MDGA2: variants seen among roughly 807,000 people sequenced by gnomAD.
MDGA2 encodes MAM domain containing glycosylphosphatidylinositol anchor 2, also known as MAM domain-containing glycosylphosphatidylinositol anchor protein 2.
In MDGA2, 40 loss-of-function variants were observed where a neutral mutation model predicts 117.8. That is an observed-to-expected ratio of 0.34 (90% CI 0.26 to 0.44). The LOEUF is 0.44. Ranked by LOEUF, MDGA2 falls within the 20% of genes least tolerant of loss-of-function variation. The pLI is 1.00. For missense variants in MDGA2, 1,123 were observed against 1,250.6 expected, an observed-to-expected ratio of 0.90 and a Z score of 1.54; for synonymous variants, 452 against 439.0, an observed-to-expected ratio of 1.03 and a Z score of -0.37.
intron 8 of MDGA2, among the ~76,000 whole-genome samples, chr14:46,963,789 C>A (rs139465302): frequency 6.6e-6 from 1 of 152,120 alleles, no homozygotes; most frequent in Non-Finnish European, 1.5e-5. Context: ...TACAAAGGGA[C>A]CTAAAATTCT....
intron 3 of MDGA2, among the ~76,000 whole-genome samples, chr14:47,194,093 C>G (rs1458549373): frequency 6.6e-6 from 1 of 152,112 alleles, no homozygotes; most frequent in Non-Finnish European, 1.5e-5. Flanking sequence ...TTCTATTTTA[C>G]TATACTGTAT....
intron 8 of MDGA2, among the ~76,000 whole-genome samples, chr14:47,020,462 T>A (rs1888247721): frequency 6.6e-6 from 1 of 152,148 alleles, no homozygotes; most frequent in Admixed American, 6.5e-5. Flanking sequence ...AGAAAACCAA[T>A]CTGATTGTTT....
chr14:47,053,642 T>TACAC (rs1889547940), intron 7 of MDGA2, among the ~76,000 whole-genome samples: 3 of 42,370 alleles, frequency 7.1e-5, no homozygotes, highest in African/African-American at 2.4e-4. Flanking sequence ...TATATATATA[T>TACAC]ATATATATAT....
At position 47,461,986 on chromosome 14, in the gene MDGA2, A is replaced by C. The variant is rs538180160; in HGVS notation, c.281-160436T>G. Among the ~76,000 whole-genome samples, 16 of 152,318 alleles carry C rather than the reference A, an allele frequency of 1.1e-4. No individual in the cohort carries two copies. The East Asian group carries it at 3.1e-3, about 29-fold the overall frequency. Reference sequence around the variant, plus strand: ...AATTGTTCTAATTAGAAATATCTTAAAAGCAATGAAGACAATTCAACAGCT... The same window carrying C: ...AATTGTTCTAATTAGAAATATCTTACAAGCAATGAAGACAATTCAACAGCT... On this transcript the variant is annotated intron_variant, in intron 1 of 16. Coordinates refer to ENST00000399232, the MANE Select transcript of MDGA2 (RefSeq NM_001113498.3).
intron 5 of MDGA2, among the ~76,000 whole-genome samples, chr14:47,126,744 A>G (rs1277944652): frequency 6.6e-6 from 1 of 152,298 alleles, no homozygotes; most frequent in African/African-American, 2.4e-5. Context: ...AAACTTGTTT[A>G]AAGTGTATAC....
intron 1 of MDGA2, among the ~76,000 whole-genome samples, chr14:47,356,110 G>T (rs1032077524): frequency 1.8e-4 from 27 of 152,142 alleles, no homozygotes; most frequent in Admixed American, 1.8e-3. Context: ...AAACTCCAGA[G>T]GGTAACACCT....
At chr14:47,005,059 G>A (rs1887663828) in intron 8 of MDGA2, among the ~76,000 whole-genome samples, 1 of 151,524 alleles carries the variant, frequency 6.6e-6, no homozygotes, top group Non-Finnish European at 1.5e-5. Context: ...AATAAAGACA[G>A]TTTATTTCTT....
intron 9 of MDGA2, among the ~76,000 whole-genome samples, chr14:46,935,540 A>T (rs1355724778): frequency 6.6e-6 from 1 of 152,194 alleles, no homozygotes; most frequent in African/African-American, 2.4e-5. Context: ...GTGATTATTT[A>T]TTAGAACCCA....
chr14:46,996,940 G>A, intron 8 of MDGA2: 1 of 396,072 alleles, frequency 2.5e-6, no homozygotes. Context: ...CCCAGGAATG[G>A]GTGAAGTAGG....
Position 47,470,323 on chromosome 14 carries a change from T to C in MDGA2, c.281-168773A>G, listed in dbSNP as rs541011294. ...ATGTTCCCTTCCTTATGTCCATGTG[T>C]TCTCATTGTTCAACTCTCACTTATA... is the stretch of plus-strand genomic sequence containing the variant. On this transcript the variant is annotated intron_variant, in intron 1 of 16. Coordinates refer to ENST00000399232, the MANE Select transcript of MDGA2 (RefSeq NM_001113498.3). Among the ~76,000 whole-genome samples the C allele has an allele frequency of 9.4e-5, 14 of 149,332 alleles. No homozygotes were observed. In the South Asian group the frequency reaches 3.0e-3, roughly 32 times the overall value.
intron 3 of MDGA2, among the ~76,000 whole-genome samples, chr14:47,201,705 ATC>A (rs1260671885): frequency 6.6e-5 from 10 of 152,160 alleles, no homozygotes; most frequent in Non-Finnish European, 1.0e-4. Flanking sequence ...AGCCTACTTT[ATC>A]TGTTTTTCTA....
At chr14:47,452,167 T>C (rs1476258755) in intron 1 of MDGA2, among the ~76,000 whole-genome samples, 1 of 151,996 alleles carries the variant, frequency 6.6e-6, no homozygotes, top group African/African-American at 2.4e-5. Context: ...AGGTCAAAAG[T>C]TTCTCAGTGC....
At chr14:47,530,729 A>G (rs1895081201) in intron 1 of MDGA2, among the ~76,000 whole-genome samples, 1 of 152,174 alleles carries the variant, frequency 6.6e-6, no homozygotes, top group South Asian at 2.1e-4. Flanking sequence ...GAACAAAGAA[A>G]GAGTCATGTT....
chr14:46,870,450 G>A (rs187671274), intron 14 of MDGA2, among the ~76,000 whole-genome samples: 3 of 151,942 alleles, frequency 2.0e-5, no homozygotes, highest in East Asian at 3.9e-4. Context: ...ATGAAAGTCC[G>A]AAAATAATAT....
intron 3 of MDGA2, among the ~76,000 whole-genome samples, chr14:47,168,382 T>C (rs1300279850): frequency 6.6e-6 from 1 of 151,788 alleles, no homozygotes; most frequent in Non-Finnish European, 1.5e-5. Context: ...TAATTTTTCA[T>C]CATAAATTTA....
At chr14:47,404,174 A>C (rs11848925) in intron 1 of MDGA2, among the ~76,000 whole-genome samples, 76,952 of 151,394 alleles carry the variant, frequency 0.51, 19,899 homozygotes, top group East Asian at 0.61. Context: ...AAAGAAATTT[A>C]TTCTATAATA....
intron 1 of MDGA2, among the ~76,000 whole-genome samples, chr14:47,386,945 T>C (rs747436069): frequency 1.3e-5 from 2 of 152,186 alleles, no homozygotes; most frequent in Non-Finnish European, 2.9e-5. Context: ...GAGGATAATA[T>C]GAAGGATTTA....
At chr14:47,083,993 T>G (rs1326022798) in intron 6 of MDGA2, among the ~76,000 whole-genome samples, 1 of 152,126 alleles carries the variant, frequency 6.6e-6, no homozygotes, top group Non-Finnish European at 1.5e-5. Context: ...GAGACTTTGA[T>G]ATTCCCCCCT....
At chr14:46,839,705 ACT>A (rs1212010923), downstream of MDGA2, among the ~76,000 whole-genome samples, 5 of 151,922 alleles carry the variant, frequency 3.3e-5, no homozygotes, top group East Asian at 5.8e-4. Context: ...TTACTGTGAA[ACT>A]CTGAAAAAAT....
Sources: gnomAD v4.1 joint callset for allele counts (sites outside exome capture counted in the v4.1 genomes callset) on GRCh38, gnomAD v4.1.1 for gene constraint, MANE v1.5 for transcripts, NCBI Gene and HGNC (gene_info 2026-07-23, HGNC 2026-07-21) for gene names.